The following CFL1 variants were observed in gnomAD, a reference collection of about 807,000 sequenced individuals.
The protein encoded by CFL1 is cofilin-1.
CFL1 carries 2 observed loss-of-function variants against 16.3 expected under a neutral mutation model. That is an observed-to-expected ratio of 0.12 (90% CI 0.05 to 0.39). CFL1 has a LOEUF of 0.39. CFL1 is among the 10% of genes least tolerant of loss of function. The pLI is 0.99. For synonymous variants in CFL1, 111 were observed against 84.4 expected, an observed-to-expected ratio of 1.31 and a Z score of -1.73; for missense variants, 75 against 212.2, an observed-to-expected ratio of 0.35 and a Z score of 4.02.
intron 1 of CFL1, chr11:65,856,982 G>A (rs1454225732): frequency 1.9e-5 from 3 of 153,992 alleles, no homozygotes; most frequent in Non-Finnish European, 2.9e-5. Context: ...GGCAATCCAA[G>A]GTAAATCTGG....
rs866850114 is a variant in CFL1, at chr11:65,858,150, C to T, written c.-51G>A. ...CACCGAGAGCCGCAGAAGACGAGAG[C>T]GCTGCAGCCGCTGCCGGGACCCGAC... On this transcript the variant is annotated 5_prime_UTR_variant, in exon 1 of 4. Transcript: ENST00000308162. 1.7e-5 allele frequency: 26 copies of T among 1,512,384 alleles called. No homozygotes were observed. In the African/African-American group the frequency reaches 2.7e-4, roughly 16 times the overall value. 93.7% of individuals were successfully genotyped at this position (1,512,384 alleles called of 1,614,324 possible). A position where few individuals can be genotyped will look rare whatever the true frequency, so the allele number is the denominator to read the frequency against.
chr11:65,856,603 T>A, intron 1 of CFL1: 2 of 259,856 alleles, frequency 7.7e-6, no homozygotes, highest in African/African-American at 2.3e-5. Flanking sequence ...ACTGGTGATT[T>A]AGAACTTCGG....
intron 1 of CFL1, chr11:65,857,830 C>T (rs1475101473): frequency 1.1e-5 from 3 of 265,276 alleles, no homozygotes; most frequent in Admixed American, 5.4e-5. Flanking sequence ...CGCCCCGAAC[C>T]CCTCCCCCCG....
At position 65,854,800 on chromosome 11, in the gene CFL1, A is replaced by G. The variant is rs1402006409; in HGVS notation, c.*536T>C. 6.5e-6 allele frequency: 1 copy of G among 153,420 alleles called. No individual in the cohort carries two copies. Among genetic ancestry groups the G allele is most frequent in the African/African-American group, 2.4e-5 (1 of 41,082 alleles). 9.5% of individuals were successfully genotyped at this position (153,420 alleles called of 1,614,324 possible). A position where few individuals can be genotyped will look rare whatever the true frequency, so the allele number is the denominator to read the frequency against. On this transcript the variant is annotated 3_prime_UTR_variant, in exon 4 of 4. Coordinates refer to ENST00000308162, the MANE Select transcript of CFL1 (RefSeq NM_005507.3). ...GTCCCAACCTTGAAAAACACATCCC[A>G]TTAATGAGCCTTTTTATTATTGTCT... is the stretch of plus-strand genomic sequence containing the variant.
chr11:65,855,234 G>A lies in CFL1; in HGVS notation c.*102C>T, dbSNP rs1458853569. The A allele has an allele frequency of 2.1e-6, 2 of 930,782 alleles. No homozygotes were observed. Among genetic ancestry groups the A allele is most frequent in the Admixed American group, 4.2e-5 (2 of 47,450 alleles). 57.7% of individuals were successfully genotyped at this position (930,782 alleles called of 1,614,324 possible). Reference sequence around the variant, plus strand: ...GAAGGGATTGCCCTCCCCCTGCTGGGATCCCCCCAGCCCCTCCGGTCTGGC... The same window carrying A: ...GAAGGGATTGCCCTCCCCCTGCTGGAATCCCCCCAGCCCCTCCGGTCTGGC... On this transcript the variant is annotated 3_prime_UTR_variant, in exon 4 of 4. Coordinates refer to ENST00000308162, the MANE Select transcript of CFL1 (RefSeq NM_005507.3).
intron 1 of CFL1, 41 bp from the exon 2 acceptor site, chr11:65,856,283 G>C (rs369158323): frequency 6.3e-7 from 1 of 1,583,474 alleles, no homozygotes; most frequent in Non-Finnish European, 8.6e-7. Flanking sequence ...AAGGATTCTA[G>C]GGAACTGCCC....
chr11:65,855,333 G>A lies in CFL1; in HGVS notation c.*3C>T, dbSNP rs1449338702. 1 of 1,610,520 alleles carries A rather than the reference G, an allele frequency of 6.2e-7. No homozygotes were observed. Among genetic ancestry groups the A allele is most frequent in the African/African-American group, 1.3e-5 (1 of 74,822 alleles). Reference sequence around the variant, plus strand: ...ATGCTCCAGGCAGGGGGCCAGAAGGGGCTCACAAAGGCTTGCCCTCCAGGG... The same window carrying A: ...ATGCTCCAGGCAGGGGGCCAGAAGGAGCTCACAAAGGCTTGCCCTCCAGGG... On this transcript the variant is annotated 3_prime_UTR_variant, in exon 4 of 4. Coordinates refer to ENST00000308162, the MANE Select transcript of CFL1 (RefSeq NM_005507.3).
rs759715499 is a variant in CFL1 at position 65,855,473 on chromosome 11, T to A, written c.389-25A>T. ...CCTATAAAGAAGAAAGGGGAGCATC[T>A]GTGAGCAGGAAGCACTGGGGTGGGG... On this transcript the variant is annotated intron_variant, in intron 3 of 3. Coordinates refer to ENST00000308162, the MANE Select transcript of CFL1 (RefSeq NM_005507.3). The A allele has an allele frequency of 1.9e-6, 3 of 1,608,958 alleles. No individual in the cohort carries two copies. In the East Asian group the frequency reaches 6.7e-5, roughly 36 times the overall value.
At chr11:65,855,571 C>T (rs1354184390) in intron 3 of CFL1, 83 bp downstream of exon 3, 8 of 1,535,938 alleles carry the variant, frequency 5.2e-6, no homozygotes, top group Non-Finnish European at 6.3e-6. Context: ...GACAAGGGGG[C>T]AGACCCCCTC....
chr11:65,855,808 G>C, intron 2 of CFL1, 78 bp from the exon 3 acceptor site: 2 of 1,506,446 alleles, frequency 1.3e-6, no homozygotes, highest in Non-Finnish European at 1.8e-6. Flanking sequence ...TGGGCTGGCA[G>C]TGAGGAGTCT....
At chr11:65,857,433 T>A (rs538459202) in intron 1 of CFL1, 1 of 435,568 alleles carries the variant, frequency 2.3e-6, no homozygotes, top group Non-Finnish European at 4.7e-6. Context: ...GATGCACGGG[T>A]GAGAACGCAG....
chr11:65,858,152 C>A lies in CFL1; in HGVS notation c.-53G>T, dbSNP rs901867545. 4.6e-6 allele frequency: 7 copies of A among 1,512,662 alleles called. No homozygotes were observed. In the South Asian group the frequency reaches 7.4e-5, roughly 16 times the overall value. 93.7% of individuals were successfully genotyped at this position (1,512,662 alleles called of 1,614,324 possible). On this transcript the variant is annotated 5_prime_UTR_variant, in exon 1 of 4. Coordinates refer to ENST00000308162, the MANE Select transcript of CFL1 (RefSeq NM_005507.3). The stretch of plus-strand genomic sequence containing the variant: ...CCGAGAGCCGCAGAAGACGAGAGCG[C>A]TGCAGCCGCTGCCGGGACCCGACTG...
At position 65,855,443 on chromosome 11, in the gene CFL1, T is replaced by C; in HGVS notation, c.394A>G (p.Lys132Glu). ...DAIKKKLTGI[K>E]HELQANCYEE... ...TAGCAGTTTGCTTGCAATTCATGCT[T>C]GATCCCTATAAAGAAGAAAGGGGAG... The change falls in exon 4 of 4, where the codon AAG becomes GAG. Residue 132 changes from lysine (K) to glutamate (E), a missense_variant. By Grantham distance (56) the Lys-to-Glu change is moderately conservative (BLOSUM62 1). Transcript: ENST00000308162. 1 of 1,613,470 alleles carries C rather than the reference T, an allele frequency of 6.2e-7. No individual in the cohort carries two copies. The highest frequency in any genetic ancestry group is 8.5e-7 in the Non-Finnish European group (1 of 1,179,762).
At chr11:65,857,877 G>GA in intron 1 of CFL1, 1 of 340,816 alleles carries the variant, frequency 2.9e-6, no homozygotes, top group South Asian at 1.3e-4. Flanking sequence ...GCGGGTGGGG[G>GA]AGGGGAGCCC....
At chr11:65,857,839 C>A in intron 1 of CFL1, 2 of 277,440 alleles carry the variant, frequency 7.2e-6, no homozygotes, top group Non-Finnish European at 6.7e-6. Context: ...CCCCTCCCCC[C>A]GCGGCCGGTG....
At position 65,855,946 on chromosome 11, in the gene CFL1, C is replaced by T. The variant is rs1261595019; in HGVS notation, c.300G>A (p.Val100=). The T allele has an allele frequency of 6.2e-7, 1 of 1,611,504 alleles. No individual in the cohort carries two copies. The highest frequency in any genetic ancestry group is 8.5e-7 in the Non-Finnish European group (1 of 1,177,802). The change falls in exon 2 of 4, where the codon GTG becomes GTA. Residue 100 remains valine, a synonymous_variant. Coordinates refer to ENST00000308162, the MANE Select transcript of CFL1 (RefSeq NM_005507.3). ...CAGAATGAGCTCACCAGAAGATAAACACCAGATCCTCCTTCTTGCTCTCCT... is the reference window on the plus strand; with the variant it reads ...CAGAATGAGCTCACCAGAAGATAAATACCAGATCCTCCTTCTTGCTCTCCT... ...ETKESKKEDL[V]FIFWAPESAP...
intron 1 of CFL1, 133 bp downstream of exon 1, chr11:65,857,964 C>T: frequency 2.1e-6 from 2 of 938,996 alleles, no homozygotes; most frequent in Non-Finnish European, 2.9e-6. Context: ...GCACCGCCCG[C>T]CCCTTCGTGC....
Position 65,855,062 on chromosome 11 carries a change from C to G in CFL1, c.*274G>C, listed in dbSNP as rs1488655836. ...TTGTTAAAAAAAATACAGGCTCCCC[C>G]ACAACTGGGGTGCCTGGGGGGAACT... On this transcript the variant is annotated 3_prime_UTR_variant, in exon 4 of 4. Transcript: ENST00000308162. The G allele has an allele frequency of 4.8e-6, 2 of 415,450 alleles. No individual in the cohort carries two copies. The highest frequency in any genetic ancestry group is 4.5e-6 in the Non-Finnish European group (1 of 223,794). 25.7% of individuals were successfully genotyped at this position (415,450 alleles called of 1,614,324 possible). A position where few individuals can be genotyped will look rare whatever the true frequency, so the allele number is the denominator to read the frequency against.
chr11:65,856,538 A>C (rs1859388522), intron 1 of CFL1: 2 of 362,338 alleles, frequency 5.5e-6, no homozygotes, highest in Admixed American at 4.4e-5. Flanking sequence ...TAAAAGATCC[A>C]CCGGCTACTG....
Sources: allele counts gnomAD v4.1 joint callset, GRCh38; gene constraint gnomAD v4.1.1; transcripts MANE v1.5; gene names NCBI Gene and HGNC (gene_info 2026-07-23, HGNC 2026-07-21).